ZNF462: variants seen among roughly 807,000 people sequenced by gnomAD.
ZNF462 encodes zinc finger PBX1-interacting protein.
Under a neutral mutation model 201.9 loss-of-function variants are expected in ZNF462, and 10 were observed. The observed-to-expected ratio is 0.05, with a 90% CI of 0.03 to 0.08. The LOEUF is 0.08. ZNF462 is among the 10% of genes least tolerant of loss of function. The pLI is 1.00. For missense variants in ZNF462, 2,523 were observed against 3,168.3 expected, an observed-to-expected ratio of 0.80 and a Z score of 4.89; for synonymous variants, 1,227 against 1,193.3, an observed-to-expected ratio of 1.03 and a Z score of -0.58.
rs1826815182 is a variant in ZNF462, at chr9:106,974,130, C to T, written c.6696-7C>T. ...CGCATCACCTCTCCTCCCAAACTCT[C>T]TCCTAGATCTGCTTTTACTATGCAC... On this transcript the variant is annotated splice_region_variant and splice_polypyrimidine_tract_variant and intron_variant, in intron 8 of 12. Transcript: ENST00000277225. The surrounding 1 kb of genome is among the most constrained non-coding windows in gnomAD (Gnocchi z 4.0). 4 of 1,613,980 alleles carry T rather than the reference C, an allele frequency of 2.5e-6. No homozygotes were observed. The highest frequency in any genetic ancestry group is 1.6e-4 in the Middle Eastern group (1 of 6,084).
At chr9:106,863,496 A>T in intron 1 of ZNF462, 141 bp downstream of exon 1, 1 of 175,142 alleles carries the variant, frequency 5.7e-6, no homozygotes, top group East Asian at 1.4e-4. Flanking sequence ...AGTCCCCTGC[A>T]TGGACTGGCT....
chr9:106,928,217 C>G lies in ZNF462; in HGVS notation c.4305C>G (p.Thr1435=), dbSNP rs949869967. 1.2e-6 allele frequency: 2 copies of G among 1,614,114 alleles called. No individual in the cohort carries two copies. Among genetic ancestry groups the G allele is most frequent in the Non-Finnish European group, 1.7e-6 (2 of 1,180,016 alleles). ...TGAATTGTGAAAACAGTATACCCACCCCTTTCCCGGAGCAGGAAGCTGAAT... is the reference window on the plus strand; with the variant it reads ...TGAATTGTGAAAACAGTATACCCACGCCTTTCCCGGAGCAGGAAGCTGAAT... The part of the protein sequence containing the change: ...GPVNCENSIP[T]PFPEQEAECP... Residue 1435 remains threonine, a synonymous_variant, in exon 3 of 13, where the codon ACC becomes ACG. Transcript: ENST00000277225. The surrounding 1 kb of genome is among the most constrained non-coding windows in gnomAD (Gnocchi z 9.3).
chr9:106,946,868 T>C (rs1831130257), intron 7 of ZNF462, among the ~76,000 whole-genome samples: 2 of 152,112 alleles, frequency 1.3e-5, no homozygotes, highest in African/African-American at 4.8e-5. Context: ...GAAATAACTT[T>C]TTAGCTACAA....
Position 106,902,038 on chromosome 9 carries a change from T to C in ZNF462, c.-30-21316T>C, listed in dbSNP as rs1371985043. Among the ~76,000 whole-genome samples, 1 of 152,194 alleles carries C rather than the reference T, an allele frequency of 6.6e-6. No homozygotes were observed. The highest frequency in any genetic ancestry group is 2.4e-5 in the African/African-American group (1 of 41,444). On this transcript the variant is annotated intron_variant, in intron 1 of 12. Coordinates refer to ENST00000277225, the MANE Select transcript of ZNF462 (RefSeq NM_021224.6). The surrounding 1 kb of genome is among the most constrained non-coding windows in gnomAD (Gnocchi z 4.2). ...AGCTTTCAACTTTCCCCATTCAGTATTATGCTGGCTGTGGGTTTGTCATAG... is the reference window on the plus strand; with the variant it reads ...AGCTTTCAACTTTCCCCATTCAGTACTATGCTGGCTGTGGGTTTGTCATAG...
At chr9:106,877,257 A>G (rs1282293595) in intron 1 of ZNF462, among the ~76,000 whole-genome samples, 1 of 146,926 alleles carries the variant, frequency 6.8e-6, no homozygotes, top group East Asian at 2.0e-4. Flanking sequence ...TGGTAAAACC[A>G]TATAGTGATT....
At chr9:106,877,701 T>C (rs1216283163) in intron 1 of ZNF462, among the ~76,000 whole-genome samples, 1 of 152,166 alleles carries the variant, frequency 6.6e-6, no homozygotes, top group Non-Finnish European at 1.5e-5. Context: ...ATTTTTTAAT[T>C]ATAAATAAAC....
chr9:106,935,455 C>A lies in ZNF462; in HGVS notation c.6117-48C>A. On this transcript the variant is annotated intron_variant, in intron 5 of 12. Coordinates refer to ENST00000277225, the MANE Select transcript of ZNF462 (RefSeq NM_021224.6). This position sits in a 1 kb window ranked among gnomAD's most constrained non-coding sequence, Gnocchi z 4.1. ...AAAAGCAATGAGCAAATCCTCTATGCAATTTTTAATTTTGTCATTTTTCTT... is the reference window on the plus strand; with the variant it reads ...AAAAGCAATGAGCAAATCCTCTATGAAATTTTTAATTTTGTCATTTTTCTT... The A allele has an allele frequency of 6.4e-7, 1 of 1,554,822 alleles. No individual in the cohort carries two copies. Among genetic ancestry groups the A allele is most frequent in the Non-Finnish European group, 8.9e-7 (1 of 1,127,348 alleles).
rs1358295168 is a variant in ZNF462 at position 106,966,185 on chromosome 9, A to G, written c.6428-5820A>G. The stretch of plus-strand genomic sequence containing the variant: ...ATCCATGTATTATTTTGAACTTCCT[A>G]TGCTATTTTAGAACTTGGCGATTTT... On this transcript the variant is annotated intron_variant, in intron 7 of 12. Transcript: ENST00000277225. The surrounding 1 kb of genome is among the most constrained non-coding windows in gnomAD (Gnocchi z 4.4). 2.0e-5 allele frequency among the ~76,000 whole-genome samples: 3 copies of G among 152,002 alleles called. No homozygotes were observed. The highest frequency in any genetic ancestry group is 7.2e-5 in the African/African-American group (3 of 41,418).
At chr9:106,887,467 C>G (rs1333075222) in intron 1 of ZNF462, among the ~76,000 whole-genome samples, 4 of 152,310 alleles carry the variant, frequency 2.6e-5, no homozygotes, top group East Asian at 1.9e-4. Context: ...CATCAGTATT[C>G]CAAGATACTT....
At chr9:106,909,538 C>T (rs1219802475) in intron 1 of ZNF462, among the ~76,000 whole-genome samples, 3 of 152,152 alleles carry the variant, frequency 2.0e-5, no homozygotes, top group African/African-American at 7.2e-5. Context: ...AAGTTACTTA[C>T]ATGCTGCATT....
In ZNF462 at chr9:106,993,049, C is replaced by T. The variant is rs1454006663; in HGVS notation, c.7056+8640C>T. 6.6e-6 allele frequency among the ~76,000 whole-genome samples: 1 copy of T among 152,086 alleles called. No individual in the cohort carries two copies. On this transcript the variant is annotated intron_variant, in intron 10 of 12. Transcript: ENST00000277225. The surrounding 1 kb of genome is among the most constrained non-coding windows in gnomAD (Gnocchi z 4.0). Reference sequence around the variant, plus strand: ...TTTTTCCCAGTAAAACAGTGCATTGCTCATTATATTCTTCTACAAATAGCA... The same window carrying T: ...TTTTTCCCAGTAAAACAGTGCATTGTTCATTATATTCTTCTACAAATAGCA...
At chr9:106,995,151 T>G (rs10978695) in intron 10 of ZNF462, among the ~76,000 whole-genome samples, 10,304 of 152,220 alleles carry the variant, frequency 0.068, 374 homozygotes, top group Middle Eastern at 0.14. Flanking sequence ...GTCTTTCACC[T>G]AGCTTCCTTG....
At chr9:106,992,516 G>A (rs76560823) in intron 10 of ZNF462, among the ~76,000 whole-genome samples, 3,419 of 152,128 alleles carry the variant, frequency 0.022, 124 homozygotes, top group African/African-American at 0.077. Flanking sequence ...AAAATACGGC[G>A]TATCCATGCA....
rs913265290 is a variant in ZNF462 at position 106,954,836 on chromosome 9, A to G, written c.6427+15729A>G. 1.9e-4 allele frequency among the ~76,000 whole-genome samples: 29 copies of G among 152,168 alleles called. No individual in the cohort carries two copies. The highest frequency in any genetic ancestry group is 6.8e-4 in the African/African-American group (28 of 41,456). The stretch of plus-strand genomic sequence containing the variant: ...ACATGTAGTTCAGTCTACTGACTCC[A>G]TAATATTACCAGGAGGGAGCTCTTT... On this transcript the variant is annotated intron_variant, in intron 7 of 12. Transcript: ENST00000277225. This position sits in a 1 kb window ranked among gnomAD's most constrained non-coding sequence, Gnocchi z 4.0.
At chr9:106,862,999 CAGAG>C, upstream of ZNF462, 1 of 395,198 alleles carries the variant, frequency 2.5e-6, no homozygotes. This position sits in a 1 kb window ranked among gnomAD's most constrained non-coding sequence, Gnocchi z 4.2. Context: ...GCTCATTATT[CAGAG>C]AGAGACACAG....
chr9:106,979,732 G>A (rs1455025953), intron 9 of ZNF462, among the ~76,000 whole-genome samples: 5 of 152,118 alleles, frequency 3.3e-5, no homozygotes. Context: ...ACCATTGGAA[G>A]CACAATGTTT....
chr9:107,004,715 T>C (rs557032692), intron 11 of ZNF462, among the ~76,000 whole-genome samples: 2 of 152,300 alleles, frequency 1.3e-5, no homozygotes, highest in South Asian at 4.1e-4. Flanking sequence ...TACTTGTCAT[T>C]TTTTATGGTG....
Position 107,003,446 on chromosome 9 carries a change from C to A in ZNF462, c.7189+20C>A, listed in dbSNP as rs1275792561. The A allele has an allele frequency of 1.9e-6, 3 of 1,611,754 alleles. No homozygotes were observed. The highest frequency in any genetic ancestry group is 1.7e-6 in the Non-Finnish European group (2 of 1,179,092). Reference sequence around the variant, plus strand: ...ACAGAGGTTAGTCTCATCCTGCCCTCCCAATCCCAGATGGCATCTGGCATG... The same window carrying A: ...ACAGAGGTTAGTCTCATCCTGCCCTACCAATCCCAGATGGCATCTGGCATG... On this transcript the variant is annotated intron_variant, in intron 11 of 12. Coordinates refer to ENST00000277225, the MANE Select transcript of ZNF462 (RefSeq NM_021224.6). This position sits in a 1 kb window ranked among gnomAD's most constrained non-coding sequence, Gnocchi z 4.4.
At chr9:106,936,211 C>A (rs914622371) in intron 6 of ZNF462, among the ~76,000 whole-genome samples, 1 of 152,168 alleles carries the variant, frequency 6.6e-6, no homozygotes, top group African/African-American at 2.4e-5. Flanking sequence ...CATCTATAAT[C>A]TTATCTGAAG....
Sources: allele counts gnomAD v4.1 joint callset (sites outside exome capture counted in the v4.1 genomes callset), GRCh38; gene constraint gnomAD v4.1.1; non-coding constraint Gnocchi (gnomAD v3.1); transcripts MANE v1.5; gene names NCBI Gene and HGNC (gene_info 2026-07-23, HGNC 2026-07-21).